The following KCNAB1 variants were observed in gnomAD, a reference collection of about 807,000 sequenced individuals.
The protein encoded by KCNAB1 is potassium voltage-gated channel subfamily A regulatory beta subunit 1.
A neutral mutation model predicts 64.6 loss-of-function variants in KCNAB1; 35 were observed. That is an observed-to-expected ratio of 0.54 (90% confidence interval 0.41 to 0.72). The LOEUF (loss-of-function observed/expected upper bound fraction) is 0.72. Ranked by LOEUF, KCNAB1 falls within the 30% of genes least tolerant of loss-of-function variation. KCNAB1 has a pLI of 0.00. For missense variants in KCNAB1, 401 were observed against 512.9 expected, an observed-to-expected ratio of 0.78 and a Z score of 2.11; for synonymous variants, 177 against 183.8, an observed-to-expected ratio of 0.96 and a Z score of 0.30.
chr3:156,377,869 T>C (rs1243647499), intron 1 of KCNAB1, among the ~76,000 whole-genome samples: 1 of 152,120 alleles, frequency 6.6e-6, no homozygotes, highest in Non-Finnish European at 1.5e-5. Context: ...CTCGGTGTGC[T>C]TCCCTATTTT....
chr3:156,484,713 T>A (rs1284006116), intron 8 of KCNAB1, among the ~76,000 whole-genome samples: 2 of 152,102 alleles, frequency 1.3e-5, no homozygotes, highest in Non-Finnish European at 2.9e-5. Flanking sequence ...CAGAGCCACC[T>A]GTGTCAGGGT....
intron 1 of KCNAB1, among the ~76,000 whole-genome samples, chr3:156,320,804 C>T (rs1722604069): frequency 6.6e-6 from 1 of 152,210 alleles, no homozygotes; most frequent in African/African-American, 2.4e-5. Context: ...CATCTGCCTC[C>T]TGCTGCAGGC....
intron 1 of KCNAB1, among the ~76,000 whole-genome samples, chr3:156,319,765 T>G (rs891853754): frequency 6.6e-6 from 1 of 152,212 alleles, no homozygotes; most frequent in Admixed American, 6.5e-5. Flanking sequence ...TATCCACATC[T>G]CCTATTGGAT....
chr3:156,302,358 C>T (rs1721209788), intron 1 of KCNAB1, among the ~76,000 whole-genome samples: 1 of 152,122 alleles, frequency 6.6e-6, no homozygotes, highest in African/African-American at 2.4e-5. Flanking sequence ...ACATAGACGT[C>T]TTTCATGGGC....
chr3:156,278,183 C>A (rs1719461043), intron 1 of KCNAB1, among the ~76,000 whole-genome samples: 1 of 152,126 alleles, frequency 6.6e-6, no homozygotes, highest in Non-Finnish European at 1.5e-5. Context: ...GATAAAGAGA[C>A]ATGTAATAAT....
intron 1 of KCNAB1, among the ~76,000 whole-genome samples, chr3:156,309,405 C>A (rs1333842134): frequency 6.6e-6 from 1 of 152,208 alleles, no homozygotes; most frequent in Non-Finnish European, 1.5e-5. Context: ...AACACAGATG[C>A]CAGCACTGGC....
At chr3:156,307,972 C>T (rs1721621579) in intron 1 of KCNAB1, among the ~76,000 whole-genome samples, 1 of 152,122 alleles carries the variant, frequency 6.6e-6, no homozygotes, top group Admixed American at 6.5e-5. Flanking sequence ...AACGAAATAG[C>T]CTTGGCCTTT....
In KCNAB1 at chr3:156,452,991, T is replaced by C. The variant is rs1163475763; in HGVS notation, c.357+55T>C. ...ATGAAAGAAAATGCAGAGAGAGCTGTATTGCAGGAGTCCTCTTCCTGGGAC... is the reference window on the plus strand; with the variant it reads ...ATGAAAGAAAATGCAGAGAGAGCTGCATTGCAGGAGTCCTCTTCCTGGGAC... On this transcript the variant is annotated intron_variant, in intron 3 of 13. Transcript: ENST00000490337. The surrounding 1 kb of genome is among the most constrained non-coding windows in gnomAD (Gnocchi z 4.6). The C allele has an allele frequency of 5.6e-6, 7 of 1,246,058 alleles. No individual in the cohort carries two copies. The East Asian group carries it at 1.7e-4, about 30-fold the overall frequency. The allele number at this position is 1,246,058 out of a possible 1,614,324, so 77.2% of individuals were successfully genotyped here. A position where few individuals can be genotyped will look rare whatever the true frequency, so the allele number is the denominator to read the frequency against.
intron 3 of KCNAB1, among the ~76,000 whole-genome samples, chr3:156,454,972 A>G (rs1257117186): frequency 6.6e-6 from 1 of 152,180 alleles, no homozygotes; most frequent in African/African-American, 2.4e-5. Context: ...ACTACGATAA[A>G]GCTGTCATGA....
intron 1 of KCNAB1, among the ~76,000 whole-genome samples, chr3:156,226,385 ATC>A (rs1045755459): frequency 2.0e-5 from 3 of 151,910 alleles, no homozygotes; most frequent in Non-Finnish European, 2.9e-5. Flanking sequence ...CTAGATATCT[ATC>A]TCTCACCTCA....
At chr3:156,124,210 C>A (rs557262045) in intron 1 of KCNAB1, among the ~76,000 whole-genome samples, 1 of 149,032 alleles carries the variant, frequency 6.7e-6, no homozygotes, top group South Asian at 2.1e-4. Context: ...GGATCTATTT[C>A]TTTTCTTTTT....
At chr3:156,311,977 C>T (rs987479355) in intron 1 of KCNAB1, among the ~76,000 whole-genome samples, 1 of 152,202 alleles carries the variant, frequency 6.6e-6, no homozygotes, top group African/African-American at 2.4e-5. Context: ...CAGCAATCAG[C>T]TTTGGAGCAC....
chr3:156,414,412 T>C (rs1714908550), intron 1 of KCNAB1, among the ~76,000 whole-genome samples: 1 of 152,338 alleles, frequency 6.6e-6, no homozygotes, highest in East Asian at 1.9e-4. Context: ...TATTAATGTA[T>C]TAACAAGTTC....
chr3:156,493,937 C>A (rs542681230), intron 8 of KCNAB1, among the ~76,000 whole-genome samples: 1 of 152,234 alleles, frequency 6.6e-6, no homozygotes, highest in African/African-American at 2.4e-5. Flanking sequence ...ACTTTGATCA[C>A]TTGGTTTTAT....
chr3:156,268,618 A>G (rs189656619), intron 1 of KCNAB1, among the ~76,000 whole-genome samples: 2 of 152,260 alleles, frequency 1.3e-5, no homozygotes, highest in East Asian at 3.9e-4. Flanking sequence ...TTCTCTGATG[A>G]TCAATGATGT....
intron 8 of KCNAB1, among the ~76,000 whole-genome samples, chr3:156,492,221 G>A (rs1242562154): frequency 6.6e-6 from 1 of 151,968 alleles, no homozygotes; most frequent in Non-Finnish European, 1.5e-5. Flanking sequence ...TACAATAAAC[G>A]CAGGACCATA....
At chr3:156,193,213 C>T (rs550873157) in intron 1 of KCNAB1, among the ~76,000 whole-genome samples, 129 of 151,786 alleles carry the variant, frequency 8.5e-4, no homozygotes, top group Non-Finnish European at 1.3e-3. Context: ...ATAGATGGTT[C>T]TTAACTTATG....
chr3:156,331,153 C>T (rs1723303167), intron 1 of KCNAB1, among the ~76,000 whole-genome samples: 1 of 152,158 alleles, frequency 6.6e-6, no homozygotes, highest in South Asian at 2.1e-4. Context: ...CTTGAAGTGA[C>T]TGACTGGCTT....
At position 156,402,463 on chromosome 3, in the gene KCNAB1, G is replaced by A. The variant is rs370186164; in HGVS notation, c.276-19153G>A. Among the ~76,000 whole-genome samples, 183 of 152,302 alleles carry A rather than the reference G, an allele frequency of 1.2e-3. 5 individuals are homozygous for A. The South Asian group carries it at 0.037, about 31-fold the overall frequency. On this transcript the variant is annotated intron_variant, in intron 1 of 13. Coordinates refer to ENST00000490337, the MANE Select transcript of KCNAB1 (RefSeq NM_172160.3). ...TGTAATTATCATCAAACTGCCCAGA[G>A]CTAAATAAATAGGTTCTCAATAACT...
Sources: gnomAD v4.1 joint callset for allele counts (sites outside exome capture counted in the v4.1 genomes callset) on GRCh38, gnomAD v4.1.1 for gene constraint, Gnocchi (gnomAD v3.1) non-coding constraint, MANE v1.5 for transcripts, NCBI Gene and HGNC (gene_info 2026-07-23, HGNC 2026-07-21) for gene names.